C4orf50: variants seen among roughly 807,000 people sequenced by gnomAD.
C4orf50 encodes the protein chromosome 4 open reading frame 50.
C4orf50 carries 80 observed loss-of-function variants against 77.2 expected under a neutral mutation model. The observed-to-expected ratio is 1.04, with a 90% confidence interval of 0.87 to 1.25. The LOEUF is 1.25. C4orf50 is among the 50% of genes most tolerant of loss of function. The probability of loss-of-function intolerance (pLI) is 0.00; values close to 1 mark genes in which losing one functional copy is unlikely to be tolerated. For missense variants in C4orf50, 1,257 were observed against 1,152.9 expected, an observed-to-expected ratio of 1.09 and a Z score of -1.31; for synonymous variants, 532 against 465.3, an observed-to-expected ratio of 1.14 and a Z score of -1.84.
At chr4:5,967,002 T>A (rs1327129175) in intron 32 of C4orf50, among the ~76,000 whole-genome samples, 1 of 152,210 alleles carries the variant, frequency 6.6e-6, no homozygotes, top group Admixed American at 6.5e-5. Flanking sequence ...TGCTGTTGCA[T>A]GGTGTTTCTC....
intron 7 of C4orf50, among the ~76,000 whole-genome samples, chr4:5,920,879 C>G (rs145037547): frequency 6.6e-6 from 1 of 152,320 alleles, no homozygotes; most frequent in Non-Finnish European, 1.5e-5. Context: ...GCTGTGAGCT[C>G]CGAGGGGTAC....
chr4:5,906,328 A>G (rs545932458), intron 7 of C4orf50, among the ~76,000 whole-genome samples: 1 of 152,212 alleles, frequency 6.6e-6, no homozygotes, highest in South Asian at 2.1e-4. Flanking sequence ...GACTGTCTGG[A>G]GATGGTGACA....
chr4:5,965,496 C>T (rs1719514880), intron 32 of C4orf50, among the ~76,000 whole-genome samples: 2 of 152,242 alleles, frequency 1.3e-5, no homozygotes, highest in African/African-American at 2.4e-5. Flanking sequence ...TGGCATGTGG[C>T]GGCCCTCCAG....
rs780359811 is a variant in C4orf50 at position 6,018,011 on chromosome 4, C to T, written c.287+134G>A. On this transcript the variant is annotated intron_variant, in intron 23 of 33. Transcript: ENST00000531445. This position sits in a 1 kb window ranked among gnomAD's most constrained non-coding sequence, Gnocchi z 5.1. ...GGGAGGAGCAGAAGGCAAGTGACTGCGTGGGCAGGTTACGTGTCTTTGGTG... is the reference window on the plus strand; with the variant it reads ...GGGAGGAGCAGAAGGCAAGTGACTGTGTGGGCAGGTTACGTGTCTTTGGTG... 4.3e-5 allele frequency: 17 copies of T among 396,688 alleles called. No homozygotes were observed. Among genetic ancestry groups the T allele is most frequent in the Admixed American group, 1.3e-4 (3 of 22,660 alleles). 24.6% of individuals were successfully genotyped at this position (396,688 alleles called of 1,614,324 possible).
intron 32 of C4orf50, among the ~76,000 whole-genome samples, chr4:5,966,657 A>AT (rs1343295614): frequency 7.5e-5 from 7 of 93,480 alleles, no homozygotes; most frequent in Admixed American, 4.7e-4. Flanking sequence ...ATATCTTAAG[A>AT]GGTTTTTTTT....
intron 28 of C4orf50, among the ~76,000 whole-genome samples, chr4:5,983,740 G>A (rs993670993): frequency 6.6e-6 from 1 of 152,228 alleles, no homozygotes; most frequent in Non-Finnish European, 1.5e-5. Flanking sequence ...TAGAGCCCAA[G>A]CTGAAAGTGT....
chr4:5,936,204 G>A (rs56007989), intron 7 of C4orf50, among the ~76,000 whole-genome samples: 6,496 of 123,138 alleles, frequency 0.053, 495 homozygotes, highest in African/African-American at 0.19. Context: ...TCTTCATGCT[G>A]CAGGAAAAAA....
chr4:6,004,215 A>ATGG (rs1722074710), intron 25 of C4orf50, among the ~76,000 whole-genome samples: 1 of 103,150 alleles, frequency 9.7e-6, no homozygotes, highest in African/African-American at 3.6e-5. Context: ...GATGATGGTG[A>ATGG]TGGTGATGAT....
Position 6,015,942 on chromosome 4 carries a change from A to T in C4orf50, c.287+2203T>A, listed in dbSNP as rs1345631328. On this transcript the variant is annotated intron_variant, in intron 23 of 33. Transcript: ENST00000531445. This position sits in a 1 kb window ranked among gnomAD's most constrained non-coding sequence, Gnocchi z 4.4. Reference sequence around the variant, plus strand: ...ATATCCCCATGTCACCATCCTTGACATGTCGACATAGTCCCAGCCTGCGTG... The same window carrying T: ...ATATCCCCATGTCACCATCCTTGACTTGTCGACATAGTCCCAGCCTGCGTG... Among the ~76,000 whole-genome samples, 3 of 152,090 alleles carry T rather than the reference A, an allele frequency of 2.0e-5. 1 individual carries two copies. The East Asian group carries it at 5.8e-4, about 29-fold the overall frequency.
intron 25 of C4orf50, among the ~76,000 whole-genome samples, chr4:6,002,313 C>T (rs1023421575): frequency 4.6e-5 from 7 of 152,192 alleles, no homozygotes; most frequent in African/African-American, 1.7e-4. Context: ...AGACTGTCCC[C>T]TAGAGCCTCA....
chr4:5,925,000 G>A (rs1485294492), intron 7 of C4orf50, among the ~76,000 whole-genome samples: 4 of 152,078 alleles, frequency 2.6e-5, no homozygotes, highest in Non-Finnish European at 5.9e-5. Context: ...CCAGGAAGGG[G>A]AGTGGGAGAG....
At chr4:5,929,710 T>C (rs111712464) in intron 7 of C4orf50, among the ~76,000 whole-genome samples, 16,974 of 152,278 alleles carry the variant, frequency 0.11, 1,030 homozygotes, top group Non-Finnish European at 0.14. Flanking sequence ...CAGCGCTCTG[T>C]GAGCGCTAGC....
At chr4:5,911,597 C>T (rs1314761981) in intron 7 of C4orf50, among the ~76,000 whole-genome samples, 1 of 152,202 alleles carries the variant, frequency 6.6e-6, no homozygotes, top group Non-Finnish European at 1.5e-5. Context: ...CTTCACCACT[C>T]AAGGTGGCAG....
intron 28 of C4orf50, 57 bp downstream of exon 6, chr4:5,988,290 T>C (rs1358041566): frequency 2.0e-5 from 31 of 1,570,692 alleles, no homozygotes; most frequent in Non-Finnish European, 2.7e-5. Context: ...GTGAATGGGG[T>C]GGCCCCCGGA....
At chr4:5,941,370 C>T (rs189463854) in intron 7 of C4orf50, among the ~76,000 whole-genome samples, 10 of 152,264 alleles carry the variant, frequency 6.6e-5, no homozygotes, top group South Asian at 2.1e-4. Flanking sequence ...GAGCTGAGAC[C>T]GGAACTCTGG....
At chr4:6,003,750 GGTGATGATGTGATA>G in intron 25 of C4orf50, among the ~76,000 whole-genome samples, 1 of 149,052 alleles carries the variant, frequency 6.7e-6, no homozygotes, top group South Asian at 2.2e-4. Context: ...TAGTGGTGAT[GGTGATGATGTGATA>G]GTGATGATGG....
At chr4:5,955,671 A>G (rs978883654), downstream of C4orf50, among the ~76,000 whole-genome samples, 6 of 152,228 alleles carry the variant, frequency 3.9e-5, no homozygotes, top group East Asian at 9.7e-4. The surrounding 1 kb of genome is among the most constrained non-coding windows in gnomAD (Gnocchi z 5.1). Context: ...CCAGTGCTCT[A>G]TCAGTCATCC....
At chr4:5,903,437 A>C (rs1278446384) in intron 7 of C4orf50, 1 of 152,242 alleles carries the variant, frequency 6.6e-6, no homozygotes, top group Non-Finnish European at 1.5e-5. Flanking sequence ...AATGTGGTAC[A>C]TCCACACATT....
rs1722314929 is a variant in C4orf50 at position 6,008,001 on chromosome 4, T to C, written c.958A>G (p.Ser320Gly). ...CCTGAGTTCCCGCCACTTACCAGGC[T>C]GCAGTGACCAATAGGGGCCTGGGCT... is the stretch of plus-strand genomic sequence containing the variant. Residue 320 changes from serine to glycine, a missense_variant, in exon 25 of 34, where the codon AGC becomes GGC. Transcript: ENST00000531445. This position sits in a 1 kb window ranked among gnomAD's most constrained non-coding sequence, Gnocchi z 6.0. 3 of 399,058 alleles carry C rather than the reference T, an allele frequency of 7.5e-6. No individual in the cohort carries two copies. The highest frequency in any genetic ancestry group is 8.8e-6 in the Non-Finnish European group (2 of 226,162). 24.7% of individuals were successfully genotyped at this position (399,058 alleles called of 1,614,324 possible).
Sources: allele counts gnomAD v4.1 joint callset (sites outside exome capture counted in the v4.1 genomes callset), GRCh38; gene constraint gnomAD v4.1.1; non-coding constraint Gnocchi (gnomAD v3.1); transcripts MANE v1.5; gene names NCBI Gene and HGNC (gene_info 2026-07-23, HGNC 2026-07-21).